ASTN2: variants seen among roughly 807,000 people sequenced by gnomAD.
ASTN2 encodes the protein astrotactin 2.
In ASTN2, 54 loss-of-function variants were observed where a neutral mutation model predicts 139.8. The ratio of observed to expected loss-of-function variants is 0.39; its 90% CI spans 0.31 to 0.48. ASTN2 has a LOEUF of 0.48. Among genes scored for constraint, ASTN2 ranks in the 20% least tolerant of loss-of-function variants. The pLI is 0.95. For missense variants in ASTN2, 1,565 were observed against 1,725.1 expected, an observed-to-expected ratio of 0.91 and a Z score of 1.64; for synonymous variants, 756 against 719.5, an observed-to-expected ratio of 1.05 and a Z score of -0.81.
At chr9:116,919,021 T>A (rs1251389360) in intron 10 of ASTN2, among the ~76,000 whole-genome samples, 1 of 151,744 alleles carries the variant, frequency 6.6e-6, no homozygotes, top group Non-Finnish European at 1.5e-5. Context: ...CTTTTTTTTT[T>A]AAACTTCCCT....
At chr9:116,923,756 G>T (rs1834677347) in intron 10 of ASTN2, among the ~76,000 whole-genome samples, 1 of 152,208 alleles carries the variant, frequency 6.6e-6, no homozygotes. Flanking sequence ...TTGGAAGAAA[G>T]CTCAGCAGAG....
chr9:117,092,188 TC>T (rs1421231553), intron 5 of ASTN2, among the ~76,000 whole-genome samples: 2 of 152,200 alleles, frequency 1.3e-5, no homozygotes, highest in African/African-American at 2.4e-5. Flanking sequence ...CAGGAAGCCC[TC>T]CCACATTTAG....
chr9:116,735,946 T>C (rs1828915006), intron 13 of ASTN2, among the ~76,000 whole-genome samples: 1 of 152,222 alleles, frequency 6.6e-6, no homozygotes, highest in South Asian at 2.1e-4. Context: ...TAGCCTTTTA[T>C]TGAGCACCTA....
chr9:116,826,255 T>C (rs899501042), intron 11 of ASTN2, among the ~76,000 whole-genome samples: 1 of 152,194 alleles, frequency 6.6e-6, no homozygotes, highest in African/African-American at 2.4e-5. Flanking sequence ...AAGGGGCTGC[T>C]GTGAGACCAA....
At chr9:117,144,395 T>C (rs1830143309) in intron 3 of ASTN2, among the ~76,000 whole-genome samples, 1 of 152,198 alleles carries the variant, frequency 6.6e-6, no homozygotes, top group African/African-American at 2.4e-5. Flanking sequence ...TGTTATTCTC[T>C]AAGGCAAGCT....
rs117906992 is a variant in ASTN2 at position 116,548,770 on chromosome 9, G to A, written c.3356-61270C>T. Reference sequence around the variant, plus strand: ...ATTATAGGTGTTAGCCACTGTGCCCGGCCTGGGGAAGGTTTTAAAAATGAA... The same window carrying A: ...ATTATAGGTGTTAGCCACTGTGCCCAGCCTGGGGAAGGTTTTAAAAATGAA... On this transcript the variant is annotated intron_variant, in intron 19 of 22. Coordinates refer to ENST00000313400, the MANE Select transcript of ASTN2 (RefSeq NM_001365068.1). Among the ~76,000 whole-genome samples the A allele has an allele frequency of 8.6e-3, 1,305 of 152,222 alleles. 7 individuals carry two copies. The highest frequency in any genetic ancestry group is 0.015 in the Non-Finnish European group (1,018 of 68,016).
chr9:116,717,665 C>A, intron 16 of ASTN2, among the ~76,000 whole-genome samples: 1 of 152,130 alleles, frequency 6.6e-6, no homozygotes, highest in East Asian at 1.9e-4. Context: ...AGTTTAGATT[C>A]AGAGGTGACT....
Position 116,600,225 on chromosome 9 carries a change from G to A in ASTN2, c.3355+18099C>T, listed in dbSNP as rs1403013359. Among the ~76,000 whole-genome samples the A allele has an allele frequency of 2.0e-5, 3 of 151,158 alleles. No individual in the cohort carries two copies. In the East Asian group the frequency reaches 5.8e-4, roughly 29 times the overall value. ...TGTAGTCCCAGCTACTTGGGAGGCT[G>A]AGGTGGAAGGACTGACTGAGCCCGG... is the stretch of plus-strand genomic sequence containing the variant. On this transcript the variant is annotated intron_variant, in intron 19 of 22. Coordinates refer to ENST00000313400, the MANE Select transcript of ASTN2 (RefSeq NM_001365068.1).
At chr9:117,058,385 T>C (rs1839129915) in intron 5 of ASTN2, among the ~76,000 whole-genome samples, 1 of 151,942 alleles carries the variant, frequency 6.6e-6, no homozygotes, top group Non-Finnish European at 1.5e-5. Context: ...ACAGCTACCA[T>C]ATTTAAGCAC....
intron 16 of ASTN2, among the ~76,000 whole-genome samples, chr9:116,696,696 T>C (rs1044686898): frequency 6.6e-6 from 1 of 152,196 alleles, no homozygotes; most frequent in Non-Finnish European, 1.5e-5. Flanking sequence ...TACCTACATG[T>C]CTTGTCTTTT....
chr9:116,693,306 A>G (rs987020783), intron 16 of ASTN2, among the ~76,000 whole-genome samples: 10 of 152,252 alleles, frequency 6.6e-5, no homozygotes, highest in Non-Finnish European at 1.5e-4. Context: ...TGACAGTGCT[A>G]AGATATGATC....
chr9:116,455,098 C>A (rs1848290405), intron 20 of ASTN2, among the ~76,000 whole-genome samples: 1 of 151,638 alleles, frequency 6.6e-6, no homozygotes, highest in Non-Finnish European at 1.5e-5. Flanking sequence ...CCCATAATCC[C>A]AGCACTTTGG....
At position 116,884,803 on chromosome 9, in the gene ASTN2, G is replaced by GCCCTCCC. The variant is rs1554756734; in HGVS notation, c.1890-21071_1890-21070insGGGAGGG. ...TGTGCATGTCAATCTCCAAATATCC[G>GCCCTCCC]CCCCCCCCCCACCCACTTTTTTTTT... On this transcript the variant is annotated intron_variant, in intron 10 of 22. Coordinates refer to ENST00000313400, the MANE Select transcript of ASTN2 (RefSeq NM_001365068.1). Among the ~76,000 whole-genome samples the GCCCTCCC allele has an allele frequency of 6.2e-4, 43 of 69,632 alleles. 1 individual carries two copies. Among genetic ancestry groups the GCCCTCCC allele is most frequent in the East Asian group, 1.4e-3 (3 of 2,176 alleles). The allele number at this position is 69,632 out of a possible 152,430, so 45.7% of individuals were successfully genotyped here.
chr9:116,874,420 T>C (rs1461915890), intron 10 of ASTN2, among the ~76,000 whole-genome samples: 1 of 152,186 alleles, frequency 6.6e-6, no homozygotes, highest in African/African-American at 2.4e-5. Context: ...GCTGCAGCTG[T>C]TCGCTGAATA....
chr9:116,698,339 G>A lies in ASTN2; in HGVS notation c.2806+27432C>T. On this transcript the variant is annotated intron_variant, in intron 16 of 22. Coordinates refer to ENST00000313400, the MANE Select transcript of ASTN2 (RefSeq NM_001365068.1). This position sits in a 1 kb window ranked among gnomAD's most constrained non-coding sequence, Gnocchi z 4.4. ...AGGAGCGCAGGGTCCAGGATGAGCT[G>A]GCTCGCTCTCGGAAGTTCTTCACAG... is the stretch of plus-strand genomic sequence containing the variant. The A allele has an allele frequency of 6.2e-7, 1 of 1,614,134 alleles. No homozygotes were observed.
rs368850903 is a variant in ASTN2 at position 116,691,026 on chromosome 9, C to T, written c.2806+34745G>A. Among the ~76,000 whole-genome samples, 34 of 152,194 alleles carry T rather than the reference C, an allele frequency of 2.2e-4. 3 individuals carry two copies. Among genetic ancestry groups the T allele is most frequent in the Admixed American group, 1.6e-3 (25 of 15,290 alleles). ...CCTCAACCTCCTAGGCTCAAGTGATCCTCCCATCTCAGCCTCCCAAGTAGC... is the reference window on the plus strand; with the variant it reads ...CCTCAACCTCCTAGGCTCAAGTGATTCTCCCATCTCAGCCTCCCAAGTAGC... On this transcript the variant is annotated intron_variant, in intron 16 of 22. Transcript: ENST00000313400.
intron 19 of ASTN2, among the ~76,000 whole-genome samples, chr9:116,602,495 A>C (rs183542747): frequency 6.6e-6 from 1 of 152,230 alleles, no homozygotes; most frequent in Non-Finnish European, 1.5e-5. Context: ...AACTTTAGAA[A>C]GAAAGGAGGA....
chr9:117,174,657 G>A (rs1387088859), intron 3 of ASTN2, among the ~76,000 whole-genome samples: 3 of 151,892 alleles, frequency 2.0e-5, no homozygotes, highest in East Asian at 3.9e-4. Flanking sequence ...TAATAGAAAC[G>A]ACAGTAATAC....
chr9:116,627,265 C>CA (rs1671543976), intron 17 of ASTN2, among the ~76,000 whole-genome samples: 1 of 152,114 alleles, frequency 6.6e-6, no homozygotes, highest in African/African-American at 2.4e-5. Flanking sequence ...AGTAGCCGAG[C>CA]AATGGGAAGT....
Sources: allele counts gnomAD v4.1 joint callset (sites outside exome capture counted in the v4.1 genomes callset), GRCh38; gene constraint gnomAD v4.1.1; non-coding constraint Gnocchi (gnomAD v3.1); transcripts MANE v1.5; gene names NCBI Gene and HGNC (gene_info 2026-07-23, HGNC 2026-07-21).